GXYLT2: variants seen among roughly 807,000 people sequenced by gnomAD.
GXYLT2 encodes the protein glycosyltransferase 8 domain containing 4.
A neutral mutation model predicts 45.8 loss-of-function variants in GXYLT2; 53 were observed. The ratio of observed to expected loss-of-function variants is 1.16; its 90% CI spans 0.93 to 1.46. GXYLT2 has a LOEUF of 1.46. GXYLT2 is among the 40% of genes most tolerant of loss of function. GXYLT2 has a pLI of 0.00. For missense variants in GXYLT2, 551 were observed against 544.4 expected (o/e 1.01, Z -0.12); for synonymous variants, 219 against 214.2 (o/e 1.02, Z -0.19).
intron 5 of GXYLT2, among the ~76,000 whole-genome samples, chr3:72,966,202 C>T (rs1016569634): frequency 1.3e-5 from 2 of 151,758 alleles, no homozygotes; most frequent in African/African-American, 4.8e-5. Flanking sequence ...TGGTCTCGAA[C>T]TCCTGACCTC....
rs531687472 is a variant in GXYLT2, at chr3:72,917,830, A to C, written c.469-4374A>C. Among the ~76,000 whole-genome samples, 13 of 152,266 alleles carry C rather than the reference A, an allele frequency of 8.5e-5. No individual in the cohort carries two copies. The South Asian group carries it at 2.5e-3, about 29-fold the overall frequency. On this transcript the variant is annotated intron_variant, in intron 2 of 6. Coordinates refer to ENST00000389617, the MANE Select transcript of GXYLT2 (RefSeq NM_001080393.2). ...ATTGTAAAAACCAGTAAATTCATAA[A>C]TAATAAATGGAAAAAAAACCCATTA...
chr3:72,935,052 T>A (rs1158311769), intron 3 of GXYLT2, among the ~76,000 whole-genome samples: 1 of 152,108 alleles, frequency 6.6e-6, no homozygotes, highest in Non-Finnish European at 1.5e-5. Context: ...AACCCTCTAA[T>A]AGGAAAGACA....
intron 6 of GXYLT2, among the ~76,000 whole-genome samples, chr3:72,974,593 C>T (rs1711055023): frequency 6.6e-6 from 1 of 151,976 alleles, no homozygotes; most frequent in African/African-American, 2.4e-5. Flanking sequence ...CCTTAAGGAC[C>T]CAAATTTTTT....
intron 1 of GXYLT2, among the ~76,000 whole-genome samples, chr3:72,894,547 A>T (rs1394477611): frequency 6.6e-6 from 1 of 152,238 alleles, no homozygotes; most frequent in Non-Finnish European, 1.5e-5. Context: ...TGATAGCAAT[A>T]GCTTGAGCAT....
intron 3 of GXYLT2, among the ~76,000 whole-genome samples, chr3:72,947,768 T>G (rs1022250448): frequency 2.0e-5 from 3 of 151,946 alleles, no homozygotes; most frequent in African/African-American, 2.4e-5. Flanking sequence ...ACCATTGCAC[T>G]TCCAGCCTGG....
At chr3:72,950,496 TAA>T (rs1710501126) in intron 3 of GXYLT2, among the ~76,000 whole-genome samples, 1 of 151,846 alleles carries the variant, frequency 6.6e-6, no homozygotes, top group Admixed American at 6.6e-5. Flanking sequence ...CTGGCCGCGG[TAA>T]CTCATGCCTG....
rs1028822805 is a variant in GXYLT2 at position 72,908,811 on chromosome 3, C to G, written c.468+252C>G. Among the ~76,000 whole-genome samples the G allele has an allele frequency of 1.8e-4, 27 of 152,152 alleles. 1 individual carries two copies. The highest frequency in any genetic ancestry group is 5.1e-4 in the African/African-American group (21 of 41,440). On this transcript the variant is annotated intron_variant, in intron 2 of 6. Coordinates refer to ENST00000389617, the MANE Select transcript of GXYLT2 (RefSeq NM_001080393.2). ...AGAGTACAGTGGTGCAATCTCGGCTCACTGCAGCCTCAACCTTCCAGGCTC... is the reference window on the plus strand; with the variant it reads ...AGAGTACAGTGGTGCAATCTCGGCTGACTGCAGCCTCAACCTTCCAGGCTC...
intron 2 of GXYLT2, among the ~76,000 whole-genome samples, chr3:72,916,525 C>G (rs1192021812): frequency 2.6e-5 from 4 of 151,630 alleles, no homozygotes; most frequent in Admixed American, 6.6e-5. Flanking sequence ...CTGACTGATG[C>G]AACTGAGTTT....
At chr3:72,907,338 T>C (rs1709531262) in intron 1 of GXYLT2, among the ~76,000 whole-genome samples, 1 of 152,364 alleles carries the variant, frequency 6.6e-6, no homozygotes, top group Non-Finnish European at 1.5e-5. Context: ...GGAGCAAGAC[T>C]GCCATTATTC....
At position 72,922,354 on chromosome 3, in the gene GXYLT2, A is replaced by C. The variant is rs1411243745; in HGVS notation, c.600+19A>C. On this transcript the variant is annotated intron_variant, in intron 3 of 6. Coordinates refer to ENST00000389617, the MANE Select transcript of GXYLT2 (RefSeq NM_001080393.2). ...TCTTCCGGTAGGAACACCTGTTTTT[A>C]ATAAGTTGTAGCTTGCTCCTGGAAA... is the stretch of plus-strand genomic sequence containing the variant. The C allele has an allele frequency of 1.9e-6, 3 of 1,607,818 alleles. No individual in the cohort carries two copies. Among genetic ancestry groups the C allele is most frequent in the African/African-American group, 1.3e-5 (1 of 74,344 alleles).
chr3:72,930,592 C>CTTTTTTTTTTTTTTTTT (rs71126806), intron 3 of GXYLT2, among the ~76,000 whole-genome samples: 7 of 101,610 alleles, frequency 6.9e-5, no homozygotes, highest in Non-Finnish European at 1.3e-4. Context: ...TCTTCTTCTT[C>CTTTTTTTTTTTTTTTTT]TTTTTTTTTT....
intron 1 of GXYLT2, among the ~76,000 whole-genome samples, chr3:72,894,847 C>T (rs1575773171): frequency 6.6e-6 from 1 of 152,362 alleles, no homozygotes; most frequent in East Asian, 1.9e-4. Flanking sequence ...AGCCCTTCCC[C>T]ACTGGGCTGT....
At chr3:72,910,300 A>G (rs116702185) in intron 2 of GXYLT2, among the ~76,000 whole-genome samples, 194 of 152,296 alleles carry the variant, frequency 1.3e-3, no homozygotes, top group Non-Finnish European at 2.2e-3. Flanking sequence ...CTCAGGGTTC[A>G]GGTCAAGTTT....
intron 1 of GXYLT2, among the ~76,000 whole-genome samples, chr3:72,903,044 A>G (rs1298798259): frequency 3.3e-5 from 5 of 151,738 alleles, no homozygotes; most frequent in African/African-American, 1.2e-4. Flanking sequence ...ATAATAGGAA[A>G]ATATTAAAAT....
chr3:72,956,256 A>C (rs1025618413), intron 4 of GXYLT2, among the ~76,000 whole-genome samples: 6 of 152,264 alleles, frequency 3.9e-5, no homozygotes, highest in Non-Finnish European at 8.8e-5. Context: ...AAAGAAAGAA[A>C]GAAAGAAAAA....
chr3:72,972,755 CA>C (rs1159301149), intron 6 of GXYLT2, among the ~76,000 whole-genome samples: 1 of 88,342 alleles, frequency 1.1e-5, no homozygotes, highest in Non-Finnish European at 2.2e-5. Context: ...TGCGTCTCTA[CA>C]AAAATTAAAA....
intron 3 of GXYLT2, among the ~76,000 whole-genome samples, chr3:72,923,369 C>T (rs923236978): frequency 5.3e-5 from 8 of 151,956 alleles, no homozygotes; most frequent in East Asian, 1.9e-4. Flanking sequence ...GAGCCATGAT[C>T]GCACCATCAC....
intron 4 of GXYLT2, among the ~76,000 whole-genome samples, chr3:72,956,726 T>TA: frequency 1.3e-5 from 2 of 151,816 alleles, no homozygotes; most frequent in East Asian, 1.9e-4. Context: ...CCATCTCTAC[T>TA]AAAAATACAA....
chr3:72,914,527 ATGTGTG>A (rs141322523), intron 2 of GXYLT2, among the ~76,000 whole-genome samples: 146 of 149,898 alleles, frequency 9.7e-4, no homozygotes, highest in Middle Eastern at 3.5e-3. Flanking sequence ...TTACATATAT[ATGTGTG>A]TGTGTGTGTG....
Sources: allele counts gnomAD v4.1 joint callset (sites outside exome capture counted in the v4.1 genomes callset), GRCh38; gene constraint gnomAD v4.1.1; transcripts MANE v1.5; gene names NCBI Gene and HGNC (gene_info 2026-07-23, HGNC 2026-07-21).